Variants in GYS2 observed in about 807,000 individuals in gnomAD.
GYS2 encodes glycogen synthase 2.
GYS2 carries 80 observed loss-of-function variants against 85.6 expected under a neutral mutation model. That is an observed-to-expected ratio of 0.93 (90% confidence interval 0.78 to 1.13). GYS2 has a LOEUF of 1.13. Ranked by LOEUF, GYS2 falls within the 50% of genes most tolerant of loss-of-function variation. The pLI, the probability that GYS2 is intolerant of heterozygous loss-of-function variation, is 0.00. For synonymous variants in GYS2, 328 were observed against 300.7 expected (o/e 1.09, Z -0.94); for missense variants, 881 against 854.9 (o/e 1.03, Z -0.38).
intron 11 of GYS2, among the ~76,000 whole-genome samples, chr12:21,552,651 A>G (rs1455290797): frequency 6.6e-6 from 1 of 152,228 alleles, no homozygotes; most frequent in African/African-American, 2.4e-5. Context: ...CCTTATGATA[A>G]TAAATGAGCA....
chr12:21,560,731 A>G (rs1944243199), intron 7 of GYS2, among the ~76,000 whole-genome samples: 2 of 152,214 alleles, frequency 1.3e-5, no homozygotes, highest in Non-Finnish European at 2.9e-5. Context: ...TTGACTTTCA[A>G]TCAGTATTTG....
intron 4 of GYS2, among the ~76,000 whole-genome samples, chr12:21,571,599 C>T (rs1944385861): frequency 6.6e-6 from 1 of 152,074 alleles, no homozygotes; most frequent in African/African-American, 2.4e-5. Context: ...TTGTCCATGG[C>T]TTCCTTCCCC....
At position 21,575,950 on chromosome 12, in the gene GYS2, T is replaced by G; in HGVS notation, c.411A>C (p.Ala137=). The G allele has an allele frequency of 6.2e-7, 1 of 1,613,918 alleles. No homozygotes were observed. Among genetic ancestry groups the G allele is most frequent in the Non-Finnish European group, 8.5e-7 (1 of 1,179,804 alleles). Residue 137 remains alanine, a synonymous_variant, in exon 3 of 16, where the codon GCA becomes GCC. Coordinates refer to ENST00000261195, the MANE Select transcript of GYS2 (RefSeq NM_021957.4). ...CATGATAAGGAATGCCGACACTGCA[T>G]GCTTCCCAGAGGTCACCCTTCCACC... The part of the protein sequence containing the change: ...LDRWKGDLWE[A]CSVGIPYHDR...
At chr12:21,578,734 G>T (rs148491089) in intron 2 of GYS2, among the ~76,000 whole-genome samples, 1 of 151,936 alleles carries the variant, frequency 6.6e-6, no homozygotes, top group Non-Finnish European at 1.5e-5. Flanking sequence ...TGAGACAAGC[G>T]AAAAATGATT....
chr12:21,587,239 A>G (rs555660635), intron 1 of GYS2, among the ~76,000 whole-genome samples: 1 of 152,298 alleles, frequency 6.6e-6, no homozygotes, highest in South Asian at 2.1e-4. Flanking sequence ...ATTGGATACA[A>G]CATTCACTTT....
rs150885330 is a variant in GYS2, at chr12:21,556,029, G to T, written c.1422+2171C>A. The stretch of plus-strand genomic sequence containing the variant: ...ATGAGGTCTTCCTACAATTAAGAAA[G>T]TTTCTCCTACCTCAATTTCTGAAAT... On this transcript the variant is annotated intron_variant, in intron 11 of 15. Transcript: ENST00000261195. Among the ~76,000 whole-genome samples, 97 of 152,116 alleles carry T rather than the reference G, an allele frequency of 6.4e-4. 1 individual carries two copies. In the East Asian group the frequency reaches 0.012, roughly 18 times the overall value.
At chr12:21,586,331 G>T (rs1015369185) in intron 1 of GYS2, among the ~76,000 whole-genome samples, 6 of 152,038 alleles carry the variant, frequency 3.9e-5, no homozygotes, top group Non-Finnish European at 5.9e-5. Flanking sequence ...TGGCTTCCTT[G>T]CTCCTCTGCT....
downstream of GYS2, among the ~76,000 whole-genome samples, chr12:21,533,578 A>G (rs1179780000): frequency 3.3e-5 from 5 of 152,182 alleles, no homozygotes; most frequent in Non-Finnish European, 7.3e-5. Context: ...ACTCATAGAA[A>G]TTTGGGTTCA....
At chr12:21,548,400 T>A (rs1166249251) in intron 11 of GYS2, among the ~76,000 whole-genome samples, 1 of 152,114 alleles carries the variant, frequency 6.6e-6, no homozygotes, top group Non-Finnish European at 1.5e-5. Context: ...TAGCACATCA[T>A]TATAAAGCAT....
At chr12:21,603,088 G>A (rs1286046737) in intron 1 of GYS2, among the ~76,000 whole-genome samples, 1 of 152,036 alleles carries the variant, frequency 6.6e-6, no homozygotes, top group Non-Finnish European at 1.5e-5. Context: ...TTAAAAACTG[G>A]ACTGGAAAAA....
intron 1 of GYS2, among the ~76,000 whole-genome samples, chr12:21,583,449 G>A (rs1313005175): frequency 1.3e-5 from 2 of 152,196 alleles, no homozygotes; most frequent in African/African-American, 4.8e-5. Context: ...CCAAAAGGCT[G>A]CCAGTTTTGA....
At chr12:21,533,677 A>C (rs1390993058), downstream of GYS2, among the ~76,000 whole-genome samples, 2 of 152,186 alleles carry the variant, frequency 1.3e-5, no homozygotes, top group African/African-American at 4.8e-5. Context: ...TATTAGTATA[A>C]CACCTTGTAA....
In GYS2 at chr12:21,537,037, C is replaced by T. The variant is rs763262746; in HGVS notation, c.2029G>A (p.Asp677Asn). 1.1e-4 allele frequency: 182 copies of T among 1,613,976 alleles called. 1 individual carries two copies. The South Asian group carries it at 2.0e-3, about 17-fold the overall frequency. ...AATGGTGACTTGATATTTAACCGAT[C>T]CCTTTCAGCCTCCTCTTCCTCATCG... The part of the protein sequence containing the change: ...RYDEEEEAER[D>N]RLNIKSPFSL... The change falls in exon 16 of 16, where the codon GAT becomes AAT. Residue 677 changes from aspartate to asparagine, a missense_variant. By Grantham distance (23) the Asp-to-Asn change is conservative. Coordinates refer to ENST00000261195, the MANE Select transcript of GYS2 (RefSeq NM_021957.4).
At chr12:21,539,463 A>G in intron 14 of GYS2, 125 bp from the exon 15 acceptor site, 1 of 723,038 alleles carries the variant, frequency 1.4e-6, no homozygotes, top group African/African-American at 1.8e-5. Context: ...GACAGAATCT[A>G]TGCAGTCTAA....
intron 12 of GYS2, among the ~76,000 whole-genome samples, chr12:21,544,066 G>A (rs1218351597): frequency 1.3e-5 from 2 of 152,098 alleles, no homozygotes; most frequent in East Asian, 3.8e-4. Flanking sequence ...TATTTATTTG[G>A]CTCTCTGAAA....
chr12:21,604,466 A>G lies in GYS2; in HGVS notation c.121+6T>C, dbSNP rs1944784681. On this transcript the variant is annotated splice_donor_region_variant and intron_variant, in intron 1 of 15. Coordinates refer to ENST00000261195, the MANE Select transcript of GYS2 (RefSeq NM_021957.4). ...GTACTGATCCACCTTCAGGAGCAGT[A>G]CAAACCTTTATTGGTCACTTCCCAA... 6.3e-7 allele frequency: 1 copy of G among 1,581,770 alleles called. No individual in the cohort carries two copies. The highest frequency in any genetic ancestry group is 1.1e-5 in the South Asian group (1 of 90,422).
chr12:21,571,934 C>T (rs2136899463), intron 4 of GYS2, among the ~76,000 whole-genome samples: 1 of 135,374 alleles, frequency 7.4e-6, no homozygotes, highest in East Asian at 2.1e-4. Context: ...GGCACTCTAG[C>T]CTGGCGACAG....
chr12:21,540,342 G>T, intron 14 of GYS2, 68 bp downstream of exon 14: 1 of 1,213,840 alleles, frequency 8.2e-7, no homozygotes, highest in Non-Finnish European at 1.2e-6. Context: ...ATTATGACTA[G>T]AATCAATATG....
intron 1 of GYS2, among the ~76,000 whole-genome samples, chr12:21,603,643 A>G (rs759203338): frequency 2.6e-5 from 4 of 152,130 alleles, no homozygotes; most frequent in Non-Finnish European, 5.9e-5. Flanking sequence ...TTACCCAGCA[A>G]TCAGTTGGCT....
Sources: allele counts gnomAD v4.1 joint callset (sites outside exome capture counted in the v4.1 genomes callset), GRCh38; gene constraint gnomAD v4.1.1; transcripts MANE v1.5; gene names NCBI Gene and HGNC (gene_info 2026-07-23, HGNC 2026-07-21).